The following PCNX2 variants were observed in gnomAD, a reference collection of about 807,000 sequenced individuals.
The protein encoded by PCNX2 is pecanex 2.
Under a neutral mutation model 223.8 loss-of-function variants are expected in PCNX2, and 168 were observed. The ratio of observed to expected loss-of-function variants is 0.75; its 90% confidence interval spans 0.66 to 0.85. PCNX2 has a LOEUF of 0.85. PCNX2 is among the 40% of genes least tolerant of loss of function. The probability of loss-of-function intolerance (pLI) is 0.00; values close to 1 mark genes in which losing one functional copy is unlikely to be tolerated. For synonymous variants in PCNX2, 1,006 were observed against 1,052.6 expected (o/e 0.96, Z 0.86); for missense variants, 2,507 against 2,675.5 (o/e 0.94, Z 1.39).
chr1:233,112,053 A>G (rs1675147484), intron 21 of PCNX2, among the ~76,000 whole-genome samples: 1 of 152,234 alleles, frequency 6.6e-6, no homozygotes, highest in Non-Finnish European at 1.5e-5. Flanking sequence ...CAAATTTTAT[A>G]GTAACTATCT....
intron 22 of PCNX2, among the ~76,000 whole-genome samples, chr1:233,092,099 A>G (rs1183460858): frequency 2.6e-5 from 4 of 152,212 alleles, no homozygotes; most frequent in Non-Finnish European, 4.4e-5. Flanking sequence ...CATGCAAGAT[A>G]TCATTGAGTG....
At chr1:233,194,513 A>C (rs1680606852) in intron 15 of PCNX2, among the ~76,000 whole-genome samples, 1 of 152,238 alleles carries the variant, frequency 6.6e-6, no homozygotes, top group African/African-American at 2.4e-5. Flanking sequence ...AAAGATTTTT[A>C]AATATCTTTA....
At chr1:233,285,155 C>T in intron 1 of PCNX2, 1 of 252,402 alleles carries the variant, frequency 4.0e-6, no homozygotes, top group Non-Finnish European at 6.3e-6. Flanking sequence ...GAGTTTGACA[C>T]CAGCCTGGGT....
chr1:233,322,916 A>C, the PCNX2 span, among the ~76,000 whole-genome samples: 1 of 152,092 alleles, frequency 6.6e-6, no homozygotes, highest in East Asian at 1.9e-4. Context: ...CTCCCGTTCC[A>C]TCTTTATAAT....
At chr1:233,220,710 T>G (rs1227493365) in intron 10 of PCNX2, among the ~76,000 whole-genome samples, 1 of 152,190 alleles carries the variant, frequency 6.6e-6, no homozygotes, top group East Asian at 1.9e-4. Flanking sequence ...TTTCTTCCAT[T>G]CTGTGGAACA....
intron 23 of PCNX2, among the ~76,000 whole-genome samples, chr1:233,079,053 A>G (rs7540733): frequency 0.38 from 58,233 of 151,902 alleles, 12,920 homozygotes; most frequent in African/African-American, 0.61. Flanking sequence ...TGGAAGGACC[A>G]GCCTAAGTCA....
chr1:233,066,131 C>T (rs1009686550), intron 23 of PCNX2, among the ~76,000 whole-genome samples: 10 of 152,156 alleles, frequency 6.6e-5, no homozygotes, highest in Admixed American at 2.0e-4. Context: ...AGAGCTGTTC[C>T]GTCACTCAGT....
At chr1:233,325,226 G>C in the PCNX2 span, among the ~76,000 whole-genome samples, 23 of 152,232 alleles carry the variant, frequency 1.5e-4, no homozygotes, top group Admixed American at 1.5e-3. Context: ...ATAATTCATG[G>C]GAGGAGATCA....
chr1:233,307,604 T>C, the PCNX2 span, among the ~76,000 whole-genome samples: 14 of 152,314 alleles, frequency 9.2e-5, no homozygotes, highest in African/African-American at 2.9e-4. Flanking sequence ...GGCACTGTTA[T>C]GGTGGATCTA....
At chr1:233,038,627 G>A (rs909367101) in intron 25 of PCNX2, among the ~76,000 whole-genome samples, 4 of 152,100 alleles carry the variant, frequency 2.6e-5, no homozygotes, top group Non-Finnish European at 5.9e-5. Flanking sequence ...TGGAACCAAG[G>A]GATTTGAAAG....
intron 33 of PCNX2, 57 bp from the exon 34 acceptor site, chr1:232,984,534 C>A: frequency 1.3e-6 from 2 of 1,555,486 alleles, no homozygotes; most frequent in Non-Finnish European, 1.7e-6. Flanking sequence ...CTACCCACTT[C>A]TAACTGGCAT....
Position 233,133,603 on chromosome 1 carries a change from C to T in PCNX2, c.3837+1410G>A, listed in dbSNP as rs1424878576. On this transcript the variant is annotated intron_variant, in intron 21 of 33. Transcript: ENST00000258229. ...AGGTGCAGTGGCTCATGCTTGTAAT[C>T]CCAACACTTTGGGAGGCCAAGGTAG... is the stretch of plus-strand genomic sequence containing the variant. Among the ~76,000 whole-genome samples, 3 of 152,144 alleles carry T rather than the reference C, an allele frequency of 2.0e-5. No homozygotes were observed. The East Asian group carries it at 5.8e-4, about 29-fold the overall frequency.
intron 17 of PCNX2, among the ~76,000 whole-genome samples, chr1:233,168,670 C>T: frequency 6.6e-6 from 1 of 152,028 alleles, no homozygotes; most frequent in East Asian, 1.9e-4. Context: ...AAATCATTAT[C>T]TTTATATACT....
intron 25 of PCNX2, among the ~76,000 whole-genome samples, chr1:233,037,627 G>C (rs2102853273): frequency 6.6e-6 from 1 of 152,234 alleles, no homozygotes; most frequent in East Asian, 1.9e-4. Flanking sequence ...GCCTGGCCTT[G>C]TGTGTCTTTT....
chr1:233,053,551 C>A (rs1240927354), intron 25 of PCNX2, among the ~76,000 whole-genome samples: 1 of 152,156 alleles, frequency 6.6e-6, no homozygotes, highest in Non-Finnish European at 1.5e-5. Flanking sequence ...TTTTATGTCA[C>A]GTGTCCATTG....
chr1:233,172,067 T>C (rs1679185311), intron 17 of PCNX2, among the ~76,000 whole-genome samples: 1 of 152,222 alleles, frequency 6.6e-6, no homozygotes, highest in Non-Finnish European at 1.5e-5. Context: ...ACATGCTGGA[T>C]TGTTTTAAAT....
chr1:233,100,216 C>G (rs535836984), intron 21 of PCNX2, among the ~76,000 whole-genome samples: 27 of 152,074 alleles, frequency 1.8e-4, no homozygotes, highest in Non-Finnish European at 3.4e-4. Context: ...AGTTCCAGAA[C>G]AGCCTGGCCA....
chr1:233,254,827 TATATA>T (rs1472789985), intron 5 of PCNX2, among the ~76,000 whole-genome samples: 4 of 152,100 alleles, frequency 2.6e-5, no homozygotes, highest in Non-Finnish European at 4.4e-5. Flanking sequence ...AAATAGTAGT[TATATA>T]ATATTACACT....
intron 6 of PCNX2, 45 bp downstream of exon 6, chr1:233,252,596 A>G (rs1486849506): frequency 6.3e-7 from 1 of 1,597,934 alleles, no homozygotes; most frequent in Non-Finnish European, 8.5e-7. Context: ...AGGCTGTCTC[A>G]TGCTTTATGA....
Sources: allele counts gnomAD v4.1 joint callset (sites outside exome capture counted in the v4.1 genomes callset), GRCh38; gene constraint gnomAD v4.1.1; transcripts MANE v1.5; gene names NCBI Gene and HGNC (gene_info 2026-07-23, HGNC 2026-07-21).